Variants in RBFOX3 observed in about 807,000 individuals in gnomAD.
RBFOX3 encodes the protein RNA binding fox-1 homolog 3, also known as RNA binding protein fox-1 homolog 3.
A neutral mutation model predicts 48.7 loss-of-function variants in RBFOX3; 17 were observed. That is an observed-to-expected ratio of 0.35 (90% CI 0.24 to 0.52). RBFOX3 has a LOEUF of 0.52. Ranked by LOEUF, RBFOX3 falls within the 20% of genes least tolerant of loss-of-function variation. The pLI, the probability that RBFOX3 is intolerant of heterozygous loss-of-function variation, is 0.94. For missense variants in RBFOX3, 382 were observed against 497.5 expected, an observed-to-expected ratio of 0.77 and a Z score of 2.21; for synonymous variants, 212 against 209.5, an observed-to-expected ratio of 1.01 and a Z score of -0.10.
At chr17:79,322,634 A>G (rs2078704281) in intron 2 of RBFOX3, among the ~76,000 whole-genome samples, 1 of 152,168 alleles carries the variant, frequency 6.6e-6, no homozygotes. Flanking sequence ...CAGAGGAGAC[A>G]CAGCTGGGTC....
chr17:79,095,471 C>T, intron 13 of RBFOX3, 42 bp downstream of exon 13: 2 of 1,524,974 alleles, frequency 1.3e-6, no homozygotes, highest in South Asian at 2.4e-5. Flanking sequence ...TGTCCATCTT[C>T]TCCCCACCCT....
At position 79,156,225 on chromosome 17, in the gene RBFOX3, G is replaced by A. The variant is rs1183528888; in HGVS notation, c.-33-40477C>T. Among the ~76,000 whole-genome samples, 4 of 152,332 alleles carry A rather than the reference G, an allele frequency of 2.6e-5. No individual in the cohort carries two copies. In the East Asian group the frequency reaches 5.8e-4, roughly 22 times the overall value. ...TCTGGCATCCAAGAGAGGTCACCCA[G>A]AGAGAAACTGTCCTTCAGCCTCTGC... is the stretch of plus-strand genomic sequence containing the variant. On this transcript the variant is annotated intron_variant, in intron 4 of 14. Coordinates refer to ENST00000693108, the MANE Select transcript of RBFOX3 (RefSeq NM_001350451.2).
At chr17:79,575,336 G>A (rs1657897660) in intron 1 of RBFOX3, among the ~76,000 whole-genome samples, 1 of 152,192 alleles carries the variant, frequency 6.6e-6, no homozygotes, top group Admixed American at 6.5e-5. Flanking sequence ...GGCAGAGTGA[G>A]GGAGACAAAG....
chr17:79,465,047 T>C (rs2076130802), intron 2 of RBFOX3, among the ~76,000 whole-genome samples: 1 of 152,168 alleles, frequency 6.6e-6, no homozygotes, highest in Admixed American at 6.5e-5. Context: ...AGCTCAGCCT[T>C]CCGAAGGCGA....
the RBFOX3 span, among the ~76,000 whole-genome samples, chr17:79,641,945 T>G: frequency 2.6e-5 from 4 of 152,200 alleles, no homozygotes; most frequent in Non-Finnish European, 4.4e-5. Flanking sequence ...ATAAGTTTCC[T>G]GAGGCCTCCC....
At chr17:79,102,540 C>A (rs756143421) in intron 8 of RBFOX3, among the ~76,000 whole-genome samples, 5 of 152,234 alleles carry the variant, frequency 3.3e-5, no homozygotes, top group Non-Finnish European at 5.9e-5. Flanking sequence ...AGCAAGGGAA[C>A]ACAGCCCACT....
At chr17:79,131,305 G>A (rs1047615628) in intron 4 of RBFOX3, among the ~76,000 whole-genome samples, 5 of 152,208 alleles carry the variant, frequency 3.3e-5, no homozygotes, top group Admixed American at 6.5e-5. Flanking sequence ...TGTGCCCTCC[G>A]TGTGCTGTGC....
chr17:79,615,829 A>G (rs974947575), upstream of RBFOX3, among the ~76,000 whole-genome samples: 1 of 152,068 alleles, frequency 6.6e-6, no homozygotes, highest in African/African-American at 2.4e-5. Context: ...GTTCCCCAGG[A>G]CCCCTCATGC....
the RBFOX3 span, among the ~76,000 whole-genome samples, chr17:79,649,307 C>T: frequency 6.6e-6 from 1 of 152,204 alleles, no homozygotes; most frequent in Non-Finnish European, 1.5e-5. Context: ...TGGGACAAGC[C>T]AGTGAGATGC....
intron 6 of RBFOX3, among the ~76,000 whole-genome samples, chr17:79,105,605 G>A (rs1341622603): frequency 1.3e-5 from 2 of 152,226 alleles, no homozygotes; most frequent in South Asian, 2.1e-4. Context: ...GACGGGGAGT[G>A]GACTTCTAGG....
At chr17:79,355,179 T>A (rs1054327466) in intron 2 of RBFOX3, among the ~76,000 whole-genome samples, 1 of 152,188 alleles carries the variant, frequency 6.6e-6, no homozygotes, top group Non-Finnish European at 1.5e-5. Flanking sequence ...TCGGCACTTG[T>A]GGGGTCGGGG....
intron 4 of RBFOX3, among the ~76,000 whole-genome samples, chr17:79,190,432 C>CAAAAAAACTACAACAAAA (rs758526092): frequency 9.5e-4 from 109 of 114,686 alleles, no homozygotes; most frequent in African/African-American, 1.4e-3. Context: ...AAAAAAAAAA[C>CAAAAAAACTACAACAAAA]AAAAAAACAG....
rs552221067 is a variant in RBFOX3, at chr17:79,538,477, C to A, written c.-319-55879G>T. Among the ~76,000 whole-genome samples, 26 of 152,350 alleles carry A rather than the reference C, an allele frequency of 1.7e-4. 1 individual carries two copies. In the South Asian group the frequency reaches 5.2e-3, roughly 30 times the overall value. On this transcript the variant is annotated intron_variant, in intron 1 of 14. Coordinates refer to ENST00000693108, the MANE Select transcript of RBFOX3 (RefSeq NM_001350451.2). ...GAGGCAGGGACAACCACAGTCAGGG[C>A]AGGAAGCCTCGATGCCACCTCCCTG...
the RBFOX3 span, among the ~76,000 whole-genome samples, chr17:79,620,063 GTA>G: frequency 7.3e-6 from 1 of 137,024 alleles, no homozygotes; most frequent in African/African-American, 2.8e-5. Context: ...GCACACATAT[GTA>G]CATGCACACA....
intron 2 of RBFOX3, among the ~76,000 whole-genome samples, chr17:79,469,965 T>C (rs542031458): frequency 1.3e-5 from 2 of 152,240 alleles, no homozygotes; most frequent in Non-Finnish European, 2.9e-5. Flanking sequence ...CCATAGCTCC[T>C]CACCCTAAAA....
intron 4 of RBFOX3, among the ~76,000 whole-genome samples, chr17:79,210,068 C>T (rs920859530): frequency 1.3e-5 from 2 of 152,088 alleles, no homozygotes; most frequent in African/African-American, 4.8e-5. Context: ...TTAGCAAATC[C>T]TGCAAAAACA....
At chr17:79,192,602 G>A (rs2054736379) in intron 4 of RBFOX3, among the ~76,000 whole-genome samples, 1 of 152,186 alleles carries the variant, frequency 6.6e-6, no homozygotes, top group Non-Finnish European at 1.5e-5. Flanking sequence ...GGGGCTGGAT[G>A]TGGATGTCCA....
chr17:79,352,578 A>G (rs2084168195), intron 2 of RBFOX3, among the ~76,000 whole-genome samples: 1 of 152,218 alleles, frequency 6.6e-6, no homozygotes, highest in African/African-American at 2.4e-5. Flanking sequence ...GCTGTCTCAG[A>G]TCACATCCCC....
chr17:79,360,088 T>C (rs540316657), intron 2 of RBFOX3, among the ~76,000 whole-genome samples: 18 of 151,956 alleles, frequency 1.2e-4, no homozygotes, highest in African/African-American at 4.4e-4. Context: ...TATGACTGGG[T>C]GTTTGCCTTT....
Sources: allele counts gnomAD v4.1 joint callset (sites outside exome capture counted in the v4.1 genomes callset), GRCh38; gene constraint gnomAD v4.1.1; transcripts MANE v1.5; gene names NCBI Gene and HGNC (gene_info 2026-07-23, HGNC 2026-07-21).